The following ZFYVE9 variants were observed in gnomAD, a reference collection of about 807,000 sequenced individuals.
The protein encoded by ZFYVE9 is zinc finger FYVE domain-containing protein 9.
Under a neutral mutation model 126.7 loss-of-function variants are expected in ZFYVE9, and 43 were observed. The ratio of observed to expected loss-of-function variants is 0.34; its 90% CI spans 0.27 to 0.44. The LOEUF (loss-of-function observed/expected upper bound fraction) is 0.44. Among genes scored for constraint, ZFYVE9 ranks in the 20% least tolerant of loss-of-function variants. The pLI, the probability that ZFYVE9 is intolerant of heterozygous loss-of-function variation, is 1.00. For missense variants in ZFYVE9, 1,476 were observed against 1,697.0 expected (o/e 0.87, Z 2.29); for synonymous variants, 521 against 597.4 (o/e 0.87, Z 1.87).
intron 1 of ZFYVE9, among the ~76,000 whole-genome samples, chr1:52,155,633 C>T (rs1475794728): frequency 2.0e-5 from 3 of 152,294 alleles, no homozygotes; most frequent in Middle Eastern, 3.4e-3. Context: ...GCATCTTTTC[C>T]CACCATTGGT....
intron 1 of ZFYVE9, among the ~76,000 whole-genome samples, chr1:52,156,384 C>T (rs1335759903): frequency 1.3e-5 from 2 of 152,168 alleles, no homozygotes; most frequent in African/African-American, 4.8e-5. Context: ...TATATAGGGA[C>T]TACTGCCCTT....
intron 4 of ZFYVE9, among the ~76,000 whole-genome samples, chr1:52,240,093 A>G (rs1645318933): frequency 6.6e-6 from 1 of 152,190 alleles, no homozygotes; most frequent in African/African-American, 2.4e-5. Flanking sequence ...GGAACTCTTT[A>G]TACACATGCA....
At chr1:52,280,141 C>T (rs780838680) in intron 9 of ZFYVE9, among the ~76,000 whole-genome samples, 13 of 151,148 alleles carry the variant, frequency 8.6e-5, no homozygotes, top group Non-Finnish European at 1.6e-4. Flanking sequence ...CTTTGGGAGG[C>T]CAAGGCAGAT....
intron 1 of ZFYVE9, among the ~76,000 whole-genome samples, chr1:52,146,924 A>C (rs968750326): frequency 2.6e-5 from 4 of 152,154 alleles, no homozygotes; most frequent in Non-Finnish European, 5.9e-5. Context: ...AAAAGTCTGA[A>C]ATTCGAAATG....
intron 7 of ZFYVE9, among the ~76,000 whole-genome samples, 168 bp downstream of exon 7, chr1:52,268,800 T>C (rs1221955817): frequency 1.3e-5 from 2 of 152,206 alleles, no homozygotes; most frequent in Non-Finnish European, 2.9e-5. Context: ...TGCTGTTCTT[T>C]GCTGTATATT....
intron 1 of ZFYVE9, among the ~76,000 whole-genome samples, chr1:52,200,211 C>T (rs1173499242): frequency 6.6e-6 from 1 of 151,948 alleles, no homozygotes; most frequent in African/African-American, 2.4e-5. Flanking sequence ...CAGGCTCTCA[C>T]TCTGTCACCC....
At chr1:52,156,764 A>G (rs1430112727) in intron 1 of ZFYVE9, among the ~76,000 whole-genome samples, 1 of 151,998 alleles carries the variant, frequency 6.6e-6, no homozygotes, top group East Asian at 1.9e-4. Flanking sequence ...CTGTATACCA[A>G]TATCAAGTCA....
In ZFYVE9 at chr1:52,274,589, G is replaced by C. The variant is rs765448809; in HGVS notation, c.2746+5G>C. 1 of 1,602,910 alleles carries C rather than the reference G, an allele frequency of 6.2e-7. No homozygotes were observed. Among genetic ancestry groups the C allele is most frequent in the Non-Finnish European group, 8.5e-7 (1 of 1,172,522 alleles). ...TCTCCACTGGTGTAAAAGGAGGTAA[G>C]TGGACTACATATTTAAACAGTGATA... is the stretch of plus-strand genomic sequence containing the variant. On this transcript the variant is annotated splice_donor_5th_base_variant and intron_variant, in intron 8 of 18. Transcript: ENST00000287727.
chr1:52,319,860 A>G (rs1646221935), intron 13 of ZFYVE9, among the ~76,000 whole-genome samples: 1 of 149,446 alleles, frequency 6.7e-6, no homozygotes, highest in South Asian at 2.1e-4. Flanking sequence ...TAAAAATACA[A>G]AAATAAGCTG....
Position 52,237,812 on chromosome 1 carries a change from G to C in ZFYVE9, c.395G>C (p.Gly132Ala). ...WDDQCSAVEV[G>A]EKKCGNLACL... ...GATCAATGCAGTGCTGTTGAAGTGG[G>C]AGAGAAGAAATGTGGAAACCTGGCT... Residue 132 changes from glycine (G) to alanine (A), a missense_variant, in exon 4 of 19, where the codon GGA becomes GCA. Transcript: ENST00000287727. 6.2e-7 allele frequency: 1 copy of C among 1,614,100 alleles called. No homozygotes were observed. The highest frequency in any genetic ancestry group is 8.5e-7 in the Non-Finnish European group (1 of 1,179,976).
intron 1 of ZFYVE9, among the ~76,000 whole-genome samples, chr1:52,184,076 T>C (rs1414867770): frequency 1.3e-5 from 2 of 151,306 alleles, no homozygotes; most frequent in African/African-American, 4.8e-5. Flanking sequence ...TGGAGTTATG[T>C]CATAAATTCA....
At chr1:52,258,620 T>G (rs1223015078) in intron 4 of ZFYVE9, among the ~76,000 whole-genome samples, 1 of 152,196 alleles carries the variant, frequency 6.6e-6, no homozygotes, top group African/African-American at 2.4e-5. Context: ...TAATTTCAAA[T>G]TCAGGATTAT....
At chr1:52,174,449 G>A (rs1173195237) in intron 1 of ZFYVE9, among the ~76,000 whole-genome samples, 2 of 152,172 alleles carry the variant, frequency 1.3e-5, no homozygotes, top group African/African-American at 4.8e-5. Context: ...TGGAATAGGT[G>A]TGGTGTGGTG....
At chr1:52,259,057 C>CA (rs1352246639) in intron 4 of ZFYVE9, among the ~76,000 whole-genome samples, 3 of 152,246 alleles carry the variant, frequency 2.0e-5, no homozygotes, top group African/African-American at 7.2e-5. Flanking sequence ...TTTATTATCT[C>CA]ACAGTTATTA....
At chr1:52,276,965 C>A (rs1379457620) in intron 8 of ZFYVE9, among the ~76,000 whole-genome samples, 2 of 152,198 alleles carry the variant, frequency 1.3e-5, no homozygotes, top group African/African-American at 4.8e-5. Context: ...CTATATTGTA[C>A]TCTCAAATGC....
intron 1 of ZFYVE9, among the ~76,000 whole-genome samples, chr1:52,199,277 A>T (rs1644900631): frequency 6.6e-6 from 1 of 151,572 alleles, no homozygotes; most frequent in Admixed American, 6.6e-5. Flanking sequence ...CCGTGTTAGG[A>T]TGGTTTTGAT....
At chr1:52,234,154 A>G (rs998685701) in intron 3 of ZFYVE9, among the ~76,000 whole-genome samples, 1 of 152,194 alleles carries the variant, frequency 6.6e-6, no homozygotes, top group African/African-American at 2.4e-5. Context: ...GTAAGCCATA[A>G]TTAAATTTCT....
chr1:52,183,300 A>G (rs899481043), intron 1 of ZFYVE9, among the ~76,000 whole-genome samples: 1 of 152,206 alleles, frequency 6.6e-6, no homozygotes, highest in African/African-American at 2.4e-5. Flanking sequence ...TAAACCAGTT[A>G]AGTAGACTAT....
At chr1:52,281,521 A>G in intron 9 of ZFYVE9, 140 bp from the exon 10 acceptor site, 1 of 934,190 alleles carries the variant, frequency 1.1e-6, no homozygotes, top group Non-Finnish European at 1.5e-6. Flanking sequence ...ATGCAGTGAC[A>G]GTTCACAGTT....
Sources: gnomAD v4.1 joint callset for allele counts (sites outside exome capture counted in the v4.1 genomes callset) on GRCh38, gnomAD v4.1.1 for gene constraint, MANE v1.5 for transcripts, NCBI Gene and HGNC (gene_info 2026-07-23, HGNC 2026-07-21) for gene names.